Variants in CALN1 observed in about 807,000 individuals in gnomAD.
The protein encoded by CALN1 is calneuron 1, also known as calcium-binding protein 8.
CALN1 carries 17 observed loss-of-function variants against 30.6 expected under a neutral mutation model. That is an observed-to-expected ratio of 0.56 (90% CI 0.38 to 0.83). The LOEUF (loss-of-function observed/expected upper bound fraction) is 0.83, where lower values mean the gene tolerates loss of function less well. CALN1 is among the 40% of genes least tolerant of loss of function. The pLI, the probability that CALN1 is intolerant of heterozygous loss-of-function variation, is 0.00. For synonymous variants in CALN1, 156 were observed against 131.4 expected, an observed-to-expected ratio of 1.19 and a Z score of -1.28; for missense variants, 291 against 354.9, an observed-to-expected ratio of 0.82 and a Z score of 1.45.
At position 71,994,094 on chromosome 7, in the gene CALN1, T is replaced by C. The variant is rs187723791; in HGVS notation, c.501+29563A>G. ...CTCTTGAGTAATACCCAACCCCTAC[T>C]ATAAAAATTTTTAAGAAATGTTTAA... is the stretch of plus-strand genomic sequence containing the variant. On this transcript the variant is annotated intron_variant, in intron 5 of 6. Transcript: ENST00000395275. Among the ~76,000 whole-genome samples the C allele has an allele frequency of 2.8e-4, 43 of 152,298 alleles. 1 individual carries two copies. In the East Asian group the frequency reaches 5.6e-3, roughly 20 times the overall value.
intron 5 of CALN1, among the ~76,000 whole-genome samples, chr7:71,975,727 G>A (rs942203814): frequency 6.6e-6 from 1 of 151,620 alleles, no homozygotes; most frequent in Admixed American, 6.6e-5. Flanking sequence ...ACCACACCCG[G>A]CCTCTTTTTT....
chr7:72,121,378 G>A (rs1393414185), intron 3 of CALN1, among the ~76,000 whole-genome samples: 9 of 141,086 alleles, frequency 6.4e-5, no homozygotes, highest in Middle Eastern at 4.0e-3. Flanking sequence ...TATAAATTAC[G>A]TATTATATAA....
chr7:72,171,273 C>A (rs1456508002), intron 3 of CALN1, among the ~76,000 whole-genome samples: 1 of 142,852 alleles, frequency 7.0e-6, no homozygotes, highest in Non-Finnish European at 1.6e-5. Context: ...AAGCCAAGGA[C>A]TTGGGTATTA....
intron 3 of CALN1, among the ~76,000 whole-genome samples, chr7:72,176,062 A>C (rs1789329549): frequency 6.6e-6 from 1 of 152,228 alleles, no homozygotes; most frequent in Non-Finnish European, 1.5e-5. Flanking sequence ...AGACACACAG[A>C]AACATTCTGA....
At chr7:72,337,370 C>T in intron 2 of CALN1, 1 of 891,116 alleles carries the variant, frequency 1.1e-6, no homozygotes, top group Middle Eastern at 5.7e-4. Context: ...CCTCGGTTTC[C>T]AAGCAGCGCA....
At chr7:72,458,008 T>C in the CALN1 span, among the ~76,000 whole-genome samples, 34 of 150,558 alleles carry the variant, frequency 2.3e-4, no homozygotes, top group Non-Finnish European at 4.4e-4. Flanking sequence ...TTCCCCACCT[T>C]GGCTTCCCAA....
chr7:72,078,655 G>A (rs971214479), intron 4 of CALN1, among the ~76,000 whole-genome samples: 4 of 152,074 alleles, frequency 2.6e-5, no homozygotes, highest in South Asian at 4.2e-4. Flanking sequence ...AGGGAGGGTC[G>A]GGCGCAGTGG....
At chr7:72,307,909 A>C (rs1438030369) in intron 2 of CALN1, among the ~76,000 whole-genome samples, 2 of 144,248 alleles carry the variant, frequency 1.4e-5, no homozygotes, top group African/African-American at 5.1e-5. Context: ...AAAAAAAAAA[A>C]TGAACACAAC....
chr7:71,790,355 G>C (rs373838141), intron 6 of CALN1, among the ~76,000 whole-genome samples: 1 of 95,640 alleles, frequency 1.0e-5, no homozygotes, highest in Middle Eastern at 5.1e-3. Context: ...AGAAAAGAAA[G>C]AAAGAAAGAA....
At chr7:72,194,793 T>C (rs1005862611) in intron 3 of CALN1, among the ~76,000 whole-genome samples, 1 of 151,894 alleles carries the variant, frequency 6.6e-6, no homozygotes, top group African/African-American at 2.4e-5. Context: ...GGTTTCACCA[T>C]GTTGGCCAGG....
At chr7:72,354,269 C>A (rs1330252465) in intron 2 of CALN1, among the ~76,000 whole-genome samples, 5 of 152,074 alleles carry the variant, frequency 3.3e-5, no homozygotes, top group Non-Finnish European at 7.4e-5. Context: ...GTTCTGTATA[C>A]TAAAAACCTC....
At chr7:71,958,668 A>G (rs114592343) in intron 5 of CALN1, among the ~76,000 whole-genome samples, 1,807 of 152,340 alleles carry the variant, frequency 0.012, 32 homozygotes, top group African/African-American at 0.04. Context: ...GCGATCTCCA[A>G]GAAAGAACAG....
chr7:72,016,078 G>A lies in CALN1; in HGVS notation c.501+7579C>T, dbSNP rs937718525. ...AGCCTGGCCAACACGGTGAAACCCCGTCTCTAACAAAAACACAAAAATTAG... is the reference window on the plus strand; with the variant it reads ...AGCCTGGCCAACACGGTGAAACCCCATCTCTAACAAAAACACAAAAATTAG... On this transcript the variant is annotated intron_variant, in intron 5 of 6. Transcript: ENST00000395275. 3.3e-5 allele frequency among the ~76,000 whole-genome samples: 5 copies of A among 151,780 alleles called. No individual in the cohort carries two copies. In the South Asian group the frequency reaches 6.2e-4, roughly 19 times the overall value.
At chr7:71,992,151 A>G (rs936696613) in intron 5 of CALN1, among the ~76,000 whole-genome samples, 1 of 152,260 alleles carries the variant, frequency 6.6e-6, no homozygotes, top group Admixed American at 6.5e-5. Flanking sequence ...ACACAAAGAC[A>G]TTATGACTAT....
intron 5 of CALN1, among the ~76,000 whole-genome samples, chr7:71,866,119 C>A (rs1033801608): frequency 6.6e-6 from 1 of 151,968 alleles, no homozygotes; most frequent in Non-Finnish European, 1.5e-5. Context: ...CATTCTCCTG[C>A]CTCAGCCTCC....
At chr7:72,075,369 G>C (rs2129538329) in intron 4 of CALN1, among the ~76,000 whole-genome samples, 1 of 152,290 alleles carries the variant, frequency 6.6e-6, no homozygotes, top group Admixed American at 6.5e-5. Context: ...ACCACCTCAA[G>C]CAGGAATAAA....
intron 5 of CALN1, among the ~76,000 whole-genome samples, chr7:71,938,953 A>G (rs1344304532): frequency 1.3e-5 from 2 of 152,156 alleles, no homozygotes; most frequent in South Asian, 2.1e-4. Flanking sequence ...CTTCATCATC[A>G]ATTCAATGCA....
At chr7:72,354,597 T>C (rs1016789030) in intron 2 of CALN1, among the ~76,000 whole-genome samples, 2 of 152,196 alleles carry the variant, frequency 1.3e-5, no homozygotes, top group Non-Finnish European at 2.9e-5. Flanking sequence ...GATAGATGTA[T>C]AGAGCAAAGG....
At chr7:72,362,734 C>G (rs1803642378) in intron 2 of CALN1, among the ~76,000 whole-genome samples, 1 of 152,176 alleles carries the variant, frequency 6.6e-6, no homozygotes, top group Non-Finnish European at 1.5e-5. Flanking sequence ...CCTGGGGACT[C>G]TCCCCCTCCT....
Sources: gnomAD v4.1 joint callset for allele counts (sites outside exome capture counted in the v4.1 genomes callset) on GRCh38, gnomAD v4.1.1 for gene constraint, MANE v1.5 for transcripts, NCBI Gene and HGNC (gene_info 2026-07-23, HGNC 2026-07-21) for gene names.